Variants in MYO1D observed in about 807,000 individuals in gnomAD.
The protein encoded by MYO1D is myosin ID.
A neutral mutation model predicts 122.0 loss-of-function variants in MYO1D; 83 were observed. That is an observed-to-expected ratio of 0.68 (90% CI 0.57 to 0.82). MYO1D has a LOEUF of 0.82. MYO1D is among the 40% of genes least tolerant of loss of function. MYO1D has a pLI of 0.00. For missense variants in MYO1D, 1,157 were observed against 1,269.5 expected, an observed-to-expected ratio of 0.91 and a Z score of 1.35; for synonymous variants, 464 against 446.9, an observed-to-expected ratio of 1.04 and a Z score of -0.48.
intron 21 of MYO1D, among the ~76,000 whole-genome samples, chr17:32,597,020 A>G (rs565069866): frequency 6.6e-6 from 1 of 152,366 alleles, no homozygotes; most frequent in East Asian, 1.9e-4. Flanking sequence ...CTAATGTGAT[A>G]TATACAACAA....
intron 1 of MYO1D, among the ~76,000 whole-genome samples, chr17:32,783,890 TC>T (rs1370706122): frequency 1.4e-4 from 22 of 152,214 alleles, no homozygotes; most frequent in African/African-American, 5.3e-4. Flanking sequence ...AGGAAGGTGT[TC>T]CTATGACTTC....
intron 16 of MYO1D, among the ~76,000 whole-genome samples, chr17:32,661,689 A>G (rs1248845020): frequency 2.6e-5 from 4 of 151,844 alleles, no homozygotes; most frequent in Admixed American, 6.6e-5. Flanking sequence ...AAAACCACGT[A>G]TATTATGATT....
intron 10 of MYO1D, 155 bp from the exon 11 acceptor site, chr17:32,755,817 C>T (rs1182941561): frequency 3.5e-6 from 2 of 565,746 alleles, no homozygotes; most frequent in South Asian, 2.7e-5. Context: ...AAAGAGTACA[C>T]ATTCTAACAG....
rs533474515 is a variant in MYO1D, at chr17:32,764,718, T to C, written c.1035+160A>G. ...TTTTTGGCAGTGATGCTTACTTACA[T>C]CTGGGAGTTTTACCGAGGCTTGTAT... is the stretch of plus-strand genomic sequence containing the variant. On this transcript the variant is annotated intron_variant, in intron 8 of 21. Transcript: ENST00000318217. Among the ~76,000 whole-genome samples, 12 of 152,316 alleles carry C rather than the reference T, an allele frequency of 7.9e-5. No individual in the cohort carries two copies. In the East Asian group the frequency reaches 2.3e-3, roughly 29 times the overall value.
chr17:32,590,487 G>A (rs1466895865), intron 21 of MYO1D, among the ~76,000 whole-genome samples: 1 of 152,194 alleles, frequency 6.6e-6, no homozygotes. Flanking sequence ...CTTTTCATGG[G>A]ATTAAGAGCT....
At chr17:32,648,170 C>T (rs2088325194) in intron 19 of MYO1D, among the ~76,000 whole-genome samples, 1 of 152,066 alleles carries the variant, frequency 6.6e-6, no homozygotes, top group South Asian at 2.1e-4. Context: ...GCCAAAATTG[C>T]GCCACAGCAC....
chr17:32,510,229 G>A (rs1468599146), intron 21 of MYO1D: 4 of 152,210 alleles, frequency 2.6e-5, no homozygotes, highest in African/African-American at 9.7e-5. Flanking sequence ...TAGCTCTTGC[G>A]TGGAGCATAG....
intron 1 of MYO1D, among the ~76,000 whole-genome samples, chr17:32,821,065 CCT>C (rs907907096): frequency 6.6e-6 from 1 of 152,090 alleles, no homozygotes; most frequent in African/African-American, 2.4e-5. Context: ...TGTGTGTTCC[CCT>C]CTGTGTGTCC....
chr17:32,615,455 C>T (rs766729616), intron 20 of MYO1D, among the ~76,000 whole-genome samples: 1 of 152,130 alleles, frequency 6.6e-6, no homozygotes, highest in Admixed American at 6.6e-5. Context: ...TGCCATCTGG[C>T]TTCTTCTTGC....
intron 15 of MYO1D, among the ~76,000 whole-genome samples, chr17:32,715,135 T>C (rs1218474792): frequency 6.6e-6 from 1 of 152,164 alleles, no homozygotes; most frequent in Non-Finnish European, 1.5e-5. Context: ...TCAGTCAGAA[T>C]GGCAATTAGT....
intron 6 of MYO1D, among the ~76,000 whole-genome samples, chr17:32,768,062 C>G (rs62070165): frequency 0.016 from 2,426 of 152,322 alleles, 35 homozygotes; most frequent in Non-Finnish European, 0.025. Context: ...GTGAAGGCAA[C>G]AGCATGGATG....
At chr17:32,524,765 G>A (rs1366528884) in intron 21 of MYO1D, among the ~76,000 whole-genome samples, 1 of 152,150 alleles carries the variant, frequency 6.6e-6, no homozygotes, top group African/African-American at 2.4e-5. Flanking sequence ...GTTTCACCAT[G>A]TTGGTTAGGC....
chr17:32,839,019 T>C (rs997077462), intron 1 of MYO1D, among the ~76,000 whole-genome samples: 2 of 152,228 alleles, frequency 1.3e-5, no homozygotes, highest in African/African-American at 2.4e-5. Context: ...TTTTAAACAA[T>C]TGCTATTCAG....
At chr17:32,707,519 T>C (rs1478168306) in intron 16 of MYO1D, among the ~76,000 whole-genome samples, 1 of 151,608 alleles carries the variant, frequency 6.6e-6, no homozygotes, top group Non-Finnish European at 1.5e-5. Flanking sequence ...TATGGAAGGC[T>C]ACATGTATAA....
Position 32,873,474 on chromosome 17 carries a change from C to T in MYO1D, c.95+3304G>A, listed in dbSNP as rs144639235. ...TCCATATATACCAATGGACCAAACA[C>T]GCTCAATTTCAGCTATATACAACCA... On this transcript the variant is annotated intron_variant, in intron 1 of 21. Transcript: ENST00000318217. 4.2e-4 allele frequency among the ~76,000 whole-genome samples: 64 copies of T among 152,286 alleles called. 1 individual carries two copies. Among genetic ancestry groups the T allele is most frequent in the African/African-American group, 1.3e-3 (54 of 41,552 alleles).
chr17:32,548,391 G>A (rs937656658), intron 21 of MYO1D, among the ~76,000 whole-genome samples: 1 of 151,304 alleles, frequency 6.6e-6, no homozygotes, highest in Non-Finnish European at 1.5e-5. Flanking sequence ...TCGCGCCACT[G>A]CACTCCAGCC....
At chr17:32,688,234 A>G (rs934300300) in intron 16 of MYO1D, among the ~76,000 whole-genome samples, 1 of 152,146 alleles carries the variant, frequency 6.6e-6, no homozygotes, top group African/African-American at 2.4e-5. Context: ...ATCAACTCCT[A>G]CTTGTAAAAT....
intron 1 of MYO1D, among the ~76,000 whole-genome samples, chr17:32,867,183 G>A (rs1478097874): frequency 1.3e-5 from 2 of 151,868 alleles, no homozygotes; most frequent in Non-Finnish European, 2.9e-5. Context: ...AAAATGAGCT[G>A]GATGTGGTGG....
intron 21 of MYO1D, among the ~76,000 whole-genome samples, chr17:32,526,095 T>G (rs114040842): frequency 0.039 from 5,888 of 152,254 alleles, 235 homozygotes; most frequent in African/African-American, 0.11. Flanking sequence ...CCAAGAAAGG[T>G]TTAACTGCCC....
Sources: allele counts gnomAD v4.1 joint callset (sites outside exome capture counted in the v4.1 genomes callset), GRCh38; gene constraint gnomAD v4.1.1; transcripts MANE v1.5; gene names NCBI Gene and HGNC (gene_info 2026-07-23, HGNC 2026-07-21).